Variants in GLDC observed in about 807,000 individuals in gnomAD.
GLDC encodes glycine decarboxylase.
GLDC carries 104 observed loss-of-function variants against 121.3 expected under a neutral mutation model. The observed-to-expected ratio is 0.86, with a 90% confidence interval of 0.73 to 1.01. The LOEUF is 1.01. Ranked by LOEUF, GLDC falls within the 50% of genes least tolerant of loss-of-function variation. The pLI is 0.00. For synonymous variants in GLDC, 546 were observed against 480.6 expected, an observed-to-expected ratio of 1.14 and a Z score of -1.78; for missense variants, 1,429 against 1,306.6, an observed-to-expected ratio of 1.09 and a Z score of -1.44.
chr9:6,549,886 C>T (rs1385200238), intron 21 of GLDC, among the ~76,000 whole-genome samples: 1 of 152,178 alleles, frequency 6.6e-6, no homozygotes, highest in Admixed American at 6.5e-5. Flanking sequence ...CTACCCTCCC[C>T]TGCTCAAAAA....
At chr9:6,602,965 T>C (rs1232942510) in intron 7 of GLDC, among the ~76,000 whole-genome samples, 4 of 152,032 alleles carry the variant, frequency 2.6e-5, no homozygotes, top group Admixed American at 6.6e-5. Flanking sequence ...TGGTGGCTCA[T>C]GTCTATAATC....
intron 21 of GLDC, among the ~76,000 whole-genome samples, chr9:6,545,967 T>A (rs907569492): frequency 2.6e-5 from 4 of 152,166 alleles, no homozygotes; most frequent in African/African-American, 9.6e-5. Context: ...CTTTATAAAC[T>A]AAATTTTTTA....
At chr9:6,644,029 C>CAAAAAAAAAAAAAAAAAAAAAAAA (rs531081758) in intron 2 of GLDC, among the ~76,000 whole-genome samples, 2 of 18,338 alleles carry the variant, frequency 1.1e-4, no homozygotes, top group African/African-American at 2.1e-4. Context: ...GATTCTGTCT[C>CAAAAAAAAAAAAAAAAAAAAAAAA]AAAAAAAAAA....
intron 15 of GLDC, among the ~76,000 whole-genome samples, chr9:6,577,087 G>A: frequency 6.6e-6 from 1 of 152,206 alleles, no homozygotes; most frequent in Non-Finnish European, 1.5e-5. Context: ...AAAGCCTTCT[G>A]TGCGCATAAC....
At chr9:6,546,897 G>A (rs1393999268) in intron 21 of GLDC, among the ~76,000 whole-genome samples, 1 of 151,964 alleles carries the variant, frequency 6.6e-6, no homozygotes, top group East Asian at 1.9e-4. Context: ...GGGAGGCGGA[G>A]GTTGCAGTGA....
intron 18 of GLDC, among the ~76,000 whole-genome samples, chr9:6,555,864 T>C (rs902414765): frequency 2.6e-5 from 4 of 152,136 alleles, no homozygotes; most frequent in African/African-American, 7.2e-5. Context: ...GTGTCACTCC[T>C]CTCCTGCAGG....
chr9:6,562,661 G>A (rs185961522), intron 16 of GLDC, among the ~76,000 whole-genome samples: 116 of 152,294 alleles, frequency 7.6e-4, no homozygotes, highest in Middle Eastern at 3.4e-3. Flanking sequence ...CTGGATTCAA[G>A]TGATTCTCCT....
intron 15 of GLDC, among the ~76,000 whole-genome samples, chr9:6,580,384 A>T (rs1364427716): frequency 6.6e-6 from 1 of 152,200 alleles, no homozygotes; most frequent in Non-Finnish European, 1.5e-5. Context: ...AACGACACCC[A>T]GAACCAGGGA....
Position 6,552,362 on chromosome 9 carries a change from A to T in GLDC, c.2457+1006T>A, listed in dbSNP as rs534396979. 1.2e-4 allele frequency among the ~76,000 whole-genome samples: 19 copies of T among 152,340 alleles called. No homozygotes were observed. In the East Asian group the frequency reaches 3.5e-3, roughly 28 times the overall value. Reference sequence around the variant, plus strand: ...AAATATGTTCATACAAATAACCCAGATTTACAGAACCCAGAGATCAAAAGG... The same window carrying T: ...AAATATGTTCATACAAATAACCCAGTTTTACAGAACCCAGAGATCAAAAGG... On this transcript the variant is annotated intron_variant, in intron 20 of 24. Coordinates refer to ENST00000321612, the MANE Select transcript of GLDC (RefSeq NM_000170.3).
At chr9:6,629,953 A>T (rs1002476476) in intron 2 of GLDC, among the ~76,000 whole-genome samples, 1,796 of 71,666 alleles carry the variant, frequency 0.025, 178 homozygotes, top group African/African-American at 0.1. Flanking sequence ...ATGTATATAT[A>T]TATATTTTTT....
At chr9:6,576,520 G>A (rs184908912) in intron 15 of GLDC, among the ~76,000 whole-genome samples, 165 of 152,240 alleles carry the variant, frequency 1.1e-3, no homozygotes, top group African/African-American at 3.8e-3. Context: ...AGGCTGGGGT[G>A]CAGTGGTGCG....
intron 21 of GLDC, among the ~76,000 whole-genome samples, chr9:6,546,133 A>G (rs1415995546): frequency 6.6e-6 from 1 of 152,058 alleles, no homozygotes; most frequent in Non-Finnish European, 1.5e-5. Flanking sequence ...ACTAAGACAC[A>G]AACACACACC....
chr9:6,622,331 C>T (rs922657265), intron 2 of GLDC, among the ~76,000 whole-genome samples: 2 of 150,968 alleles, frequency 1.3e-5, no homozygotes, highest in East Asian at 2.0e-4. Flanking sequence ...TGGCTCACTG[C>T]AACCTCCCTG....
rs372101832 is a variant in GLDC at position 6,553,472 on chromosome 9, C to A, written c.2353G>T (p.Val785Phe). Residue 785 changes from valine (V) to phenylalanine (F), a missense_variant, in exon 20 of 25, where the codon GTC becomes TTC. Coordinates refer to ENST00000321612, the MANE Select transcript of GLDC (RefSeq NM_000170.3). ...HLAPFLPNHP[V>F]ISLKRNEDAC... is the part of the protein sequence containing the mutation. ...TCCTCATTCCGCTTTAGTGAAATGA[C>A]GGGATGATTGGGCAAAAACGGGGCG... 6.2e-7 allele frequency: 1 copy of A among 1,613,812 alleles called. No individual in the cohort carries two copies. The highest frequency in any genetic ancestry group is 8.5e-7 in the Non-Finnish European group (1 of 1,179,876).
intron 4 of GLDC, among the ~76,000 whole-genome samples, chr9:6,609,330 C>G (rs1197006058): frequency 6.6e-6 from 1 of 152,136 alleles, no homozygotes; most frequent in African/African-American, 2.4e-5. Context: ...CGGAAATAAA[C>G]TATATGTGTA....
chr9:6,604,637 G>C lies in GLDC; in HGVS notation c.1009C>G (p.Arg337Gly), dbSNP rs386833517. 11 of 1,613,528 alleles carry C rather than the reference G, an allele frequency of 6.8e-6. No individual in the cohort carries two copies. The Admixed American group carries it at 8.3e-5, about 12-fold the overall frequency. ...GGPHAAFFAVRESLVRMMPGR... is the reference protein window; with the variant it reads ...GGPHAAFFAVGESLVRMMPGR... ...GGCATCATTCTCACCAAGCTTTCTC[G>C]GACAGCAAAAAATGCTGCATGGGGT... Residue 337 changes from arginine (R) to glycine (G), a missense_variant, in exon 7 of 25, where the codon CGA (arginine) becomes GGA (glycine). Coordinates refer to ENST00000321612, the MANE Select transcript of GLDC (RefSeq NM_000170.3).
rs141980497 is a variant in GLDC, at chr9:6,586,902, A to G, written c.1850+239T>C. 6.0e-4 allele frequency among the ~76,000 whole-genome samples: 92 copies of G among 152,248 alleles called. 1 individual carries two copies. Among genetic ancestry groups the G allele is most frequent in the Admixed American group, 5.6e-3 (85 of 15,298 alleles). ...CAAGGAACTACAAGGAAAGCCCCAT[A>G]TGGAGAAAAACTATGGCCCTAGTGA... On this transcript the variant is annotated intron_variant, in intron 15 of 24. Transcript: ENST00000321612.
In GLDC at chr9:6,624,912, A is replaced by G. The variant is rs968143782; in HGVS notation, c.335-4593T>C. On this transcript the variant is annotated intron_variant, in intron 2 of 24. Transcript: ENST00000321612. ...CTGACACAGGAGAATCGCTTGAACC[A>G]GGGAGGCGGAGATTGCAGTGAGCTG... 1.2e-3 allele frequency among the ~76,000 whole-genome samples: 188 copies of G among 151,902 alleles called. 2 individuals are homozygous for G. The highest frequency in any genetic ancestry group is 4.4e-3 in the African/African-American group (184 of 41,430).
At chr9:6,546,183 G>A (rs926286481) in intron 21 of GLDC, among the ~76,000 whole-genome samples, 1 of 151,030 alleles carries the variant, frequency 6.6e-6, no homozygotes, top group African/African-American at 2.4e-5. Context: ...CAATATCATT[G>A]TCTTCCACCT....
Sources: gnomAD v4.1 joint callset for allele counts (sites outside exome capture counted in the v4.1 genomes callset) on GRCh38, gnomAD v4.1.1 for gene constraint, MANE v1.5 for transcripts, NCBI Gene and HGNC (gene_info 2026-07-23, HGNC 2026-07-21) for gene names.